Variants in ADAMTS17 observed in about 807,000 individuals in gnomAD.
ADAMTS17 encodes the protein ADAM metallopeptidase with thrombospondin type 1 motif 17.
A neutral mutation model predicts 141.5 loss-of-function variants in ADAMTS17; 113 were observed. The ratio of observed to expected loss-of-function variants is 0.80; its 90% CI spans 0.69 to 0.93. The LOEUF (loss-of-function observed/expected upper bound fraction) is 0.93. Among genes scored for constraint, ADAMTS17 ranks in the 40% least tolerant of loss-of-function variants. The pLI, the probability that ADAMTS17 is intolerant of heterozygous loss-of-function variation, is 0.00. For missense variants in ADAMTS17, 1,659 were observed against 1,517.9 expected, an observed-to-expected ratio of 1.09 and a Z score of -1.54; for synonymous variants, 768 against 630.6, an observed-to-expected ratio of 1.22 and a Z score of -3.27.
intron 20 of ADAMTS17, among the ~76,000 whole-genome samples, chr15:99,989,213 C>T (rs377656426): frequency 2.0e-5 from 3 of 152,278 alleles, no homozygotes; most frequent in African/African-American, 7.2e-5. Flanking sequence ...GGGGTGACAA[C>T]CTTGGCTGGA....
chr15:100,020,536 C>G (rs1328707741), intron 18 of ADAMTS17, among the ~76,000 whole-genome samples: 2 of 152,208 alleles, frequency 1.3e-5, no homozygotes, highest in Non-Finnish European at 2.9e-5. Flanking sequence ...CACTCCCTGA[C>G]TCCCCCAGAG....
intron 15 of ADAMTS17, among the ~76,000 whole-genome samples, chr15:100,090,936 A>G (rs1357199180): frequency 1.4e-5 from 2 of 144,384 alleles, no homozygotes; most frequent in Admixed American, 7.2e-5. Context: ...TGAACCCGGG[A>G]GGCGGAGGTT....
At chr15:100,277,648 A>G (rs1240620406) in intron 4 of ADAMTS17, among the ~76,000 whole-genome samples, 1 of 152,090 alleles carries the variant, frequency 6.6e-6, no homozygotes. Flanking sequence ...CCCGTCATTA[A>G]CCGGCCACCG....
At chr15:100,079,468 A>G (rs1460302462) in intron 15 of ADAMTS17, among the ~76,000 whole-genome samples, 2 of 152,328 alleles carry the variant, frequency 1.3e-5, no homozygotes, top group East Asian at 1.9e-4. Context: ...ATACTACTCC[A>G]TTTACATGAA....
At chr15:100,108,923 C>G in intron 14 of ADAMTS17, 66 bp downstream of exon 14, 1 of 1,609,486 alleles carries the variant, frequency 6.2e-7, no homozygotes. Context: ...CTACCCCACT[C>G]CCTGTCTGGG....
intron 8 of ADAMTS17, among the ~76,000 whole-genome samples, chr15:100,175,295 T>A (rs2040298103): frequency 6.6e-6 from 1 of 152,210 alleles, no homozygotes; most frequent in African/African-American, 2.4e-5. Flanking sequence ...GACTAATTGG[T>A]CTGGAACAGC....
chr15:100,240,394 T>C (rs1381786473), intron 7 of ADAMTS17, among the ~76,000 whole-genome samples: 1 of 152,238 alleles, frequency 6.6e-6, no homozygotes, highest in African/African-American at 2.4e-5. Context: ...CATATGCCAC[T>C]GTGGCCGAAG....
chr15:100,279,747 A>G (rs2044221620), intron 4 of ADAMTS17, among the ~76,000 whole-genome samples: 3 of 152,248 alleles, frequency 2.0e-5, no homozygotes, highest in South Asian at 4.1e-4. Context: ...GTTCCCCTTG[A>G]CCCAGATTCC....
At chr15:100,087,185 A>G (rs888805748) in intron 15 of ADAMTS17, among the ~76,000 whole-genome samples, 15 of 152,320 alleles carry the variant, frequency 9.8e-5, no homozygotes, top group Middle Eastern at 3.4e-3. Context: ...CAGAAATACA[A>G]ACTACCATCA....
intron 20 of ADAMTS17, chr15:99,980,288 T>G (rs1223673279): frequency 2.0e-5 from 3 of 152,252 alleles, no homozygotes; most frequent in Non-Finnish European, 4.4e-5. Context: ...ACCACTGCAC[T>G]CCAGCTTGGG....
At chr15:99,991,703 C>G (rs2060693811) in intron 20 of ADAMTS17, among the ~76,000 whole-genome samples, 2 of 152,138 alleles carry the variant, frequency 1.3e-5, no homozygotes, top group African/African-American at 4.8e-5. Context: ...AACCATTCCA[C>G]TATAAAGACA....
At chr15:100,203,823 C>T (rs184571919) in intron 7 of ADAMTS17, among the ~76,000 whole-genome samples, 38 of 151,700 alleles carry the variant, frequency 2.5e-4, no homozygotes, top group South Asian at 1.7e-3. Context: ...CACTTGAACG[C>T]GGGAGGTAGA....
rs561223963 is a variant in ADAMTS17, at chr15:99,980,045, G to A, written c.2950-3823C>T. On this transcript the variant is annotated intron_variant, in intron 20 of 21. Coordinates refer to ENST00000268070, the MANE Select transcript of ADAMTS17 (RefSeq NM_139057.4). ...GGCCCACTTAAGAACAGAGGGCTGGGTGCGGTGGCTCACACCTGTAACCCC... is the reference window on the plus strand; with the variant it reads ...GGCCCACTTAAGAACAGAGGGCTGGATGCGGTGGCTCACACCTGTAACCCC... 3 of 152,394 alleles carry A rather than the reference G, an allele frequency of 2.0e-5. No individual in the cohort carries two copies. In the South Asian group the frequency reaches 6.2e-4, roughly 32 times the overall value. The allele number at this position is 152,394 out of a possible 1,614,324, so 9.4% of individuals were successfully genotyped here.
chr15:100,206,495 T>C (rs558164229), intron 7 of ADAMTS17, among the ~76,000 whole-genome samples: 3 of 152,220 alleles, frequency 2.0e-5, no homozygotes, highest in South Asian at 4.1e-4. Context: ...CCTATTTCGG[T>C]CAATAATTTT....
chr15:100,322,502 C>T (rs369212484), intron 3 of ADAMTS17, among the ~76,000 whole-genome samples: 87 of 152,298 alleles, frequency 5.7e-4, no homozygotes, highest in African/African-American at 1.9e-3. Context: ...AGAATCTCCA[C>T]GTTACATTTA....
At chr15:100,184,558 G>C (rs1275420903) in intron 8 of ADAMTS17, among the ~76,000 whole-genome samples, 1 of 152,206 alleles carries the variant, frequency 6.6e-6, no homozygotes, top group African/African-American at 2.4e-5. Context: ...CACATGGAGG[G>C]TAAATGATGT....
Position 100,331,027 on chromosome 15 carries a change from G to A in ADAMTS17, c.478C>T (p.Gln160Ter). Residue 160 changes from glutamine to a stop codon, truncating the protein, a stop_gained, in exon 3 of 22, where the codon CAG becomes TAG. Coordinates refer to ENST00000268070, the MANE Select transcript of ADAMTS17 (RefSeq NM_139057.4). LOFTEE classifies it high-confidence loss of function. ...LVGLIQLGQE[Q>*]VLIQPLNNSQ... ...TTGTTGAGGGGCTGGATTAGCACCTGCTCCTGCCCAAGCTGAATGAGGCCA... is the reference window on the plus strand; with the variant it reads ...TTGTTGAGGGGCTGGATTAGCACCTACTCCTGCCCAAGCTGAATGAGGCCA... 6.2e-7 allele frequency: 1 copy of A among 1,614,176 alleles called. No homozygotes were observed. The highest frequency in any genetic ancestry group is 8.5e-7 in the Non-Finnish European group (1 of 1,180,046).
rs114059140 is a variant in ADAMTS17, at chr15:100,182,566, T to C, written c.1181+16752A>G. ...GTGGGGGAAGAGGTTGCACTGGCAA[T>C]TCAAGACTGTCTTTCCTACCGACTT... is the stretch of plus-strand genomic sequence containing the variant. On this transcript the variant is annotated intron_variant, in intron 8 of 21. Transcript: ENST00000268070. Among the ~76,000 whole-genome samples the C allele has an allele frequency of 6.9e-3, 1,047 of 152,302 alleles. 11 individuals are homozygous for C. Among genetic ancestry groups the C allele is most frequent in the African/African-American group, 0.024 (988 of 41,558 alleles).
chr15:99,984,079 G>A (rs1014859347), intron 20 of ADAMTS17, among the ~76,000 whole-genome samples: 1 of 152,234 alleles, frequency 6.6e-6, no homozygotes, highest in Middle Eastern at 3.4e-3. Context: ...CGCCCCCTGC[G>A]ACGCCTGCTT....
Sources: allele counts gnomAD v4.1 joint callset (sites outside exome capture counted in the v4.1 genomes callset), GRCh38; gene constraint gnomAD v4.1.1; transcripts MANE v1.5; gene names NCBI Gene and HGNC (gene_info 2026-07-23, HGNC 2026-07-21).